PRH1: variants seen among roughly 807,000 people sequenced by gnomAD.
PRH1 encodes the protein proline rich protein HaeIII subfamily 1.
In PRH1, 7 loss-of-function variants were observed where a neutral mutation model predicts 7.9. That is an observed-to-expected ratio of 0.89 (90% CI 0.50 to 1.67). The LOEUF (loss-of-function observed/expected upper bound fraction) is 1.67, where lower values mean the gene tolerates loss of function less well. PRH1 is among the 40% of genes most tolerant of loss of function. PRH1 has a pLI of 0.00. For missense variants in PRH1, 109 were observed against 223.6 expected, an observed-to-expected ratio of 0.49 and a Z score of 3.27; for synonymous variants, 45 against 80.8, an observed-to-expected ratio of 0.56 and a Z score of 2.38.
chr12:10,914,960 C>T (rs1174106427), intron 2 of PRH1, among the ~76,000 whole-genome samples: 1 of 152,152 alleles, frequency 6.6e-6, no homozygotes, highest in Non-Finnish European at 1.5e-5. Flanking sequence ...AACCCCATCT[C>T]TACTATTAAT....
intron 2 of PRH1, among the ~76,000 whole-genome samples, chr12:10,890,887 C>T (rs2135792644): frequency 6.6e-6 from 1 of 151,886 alleles, no homozygotes; most frequent in Non-Finnish European, 1.5e-5. Flanking sequence ...GTGCACCTCC[C>T]AGTAGGGTCT....
chr12:11,071,668 CAAG>C (rs1357007465), intron 1 of PRH1, among the ~76,000 whole-genome samples: 1 of 152,160 alleles, frequency 6.6e-6, no homozygotes, highest in Non-Finnish European at 1.5e-5. Context: ...AAATAAATGC[CAAG>C]AAGGCCAGCA....
At chr12:11,003,134 T>C (rs559183730) in intron 1 of PRH1, among the ~76,000 whole-genome samples, 2 of 152,010 alleles carry the variant, frequency 1.3e-5, no homozygotes, top group Non-Finnish European at 2.9e-5. Context: ...CTTTCTTTTT[T>C]AAATTAATTT....
chr12:11,007,849 G>A (rs1192880367), intron 1 of PRH1, among the ~76,000 whole-genome samples: 1 of 152,006 alleles, frequency 6.6e-6, no homozygotes, highest in Non-Finnish European at 1.5e-5. Context: ...TGCAGAACAT[G>A]GCCCATCTCA....
chr12:10,948,107 T>C (rs192500245), intron 2 of PRH1, among the ~76,000 whole-genome samples: 2 of 152,258 alleles, frequency 1.3e-5, no homozygotes, highest in African/African-American at 4.8e-5. Flanking sequence ...TTATATATCT[T>C]GGAGATGATC....
In PRH1 at chr12:10,952,410, T is replaced by C. The variant is rs550689698; in HGVS notation, c.-59+21245A>G. On this transcript the variant is annotated intron_variant, in intron 2 of 3. Coordinates refer to the PRH1 transcript ENST00000539853. ...TCATCACGTCACAGAAAGCTTTTTC[T>C]GCAGAAAATGTAAAACTACTCCAAA... is the stretch of plus-strand genomic sequence containing the variant. Among the ~76,000 whole-genome samples, 22 of 152,322 alleles carry C rather than the reference T, an allele frequency of 1.4e-4. No individual in the cohort carries two copies. In the East Asian group the frequency reaches 3.9e-3, roughly 27 times the overall value.
chr12:11,104,290 T>C (rs571137805), intron 1 of PRH1, among the ~76,000 whole-genome samples: 1 of 152,218 alleles, frequency 6.6e-6, no homozygotes, highest in South Asian at 2.1e-4. Flanking sequence ...CTATCCCAAA[T>C]TGTTATGATG....
intron 2 of PRH1, chr12:10,929,391 T>A: frequency 6.2e-7 from 1 of 1,606,964 alleles, no homozygotes; most frequent in Non-Finnish European, 8.5e-7. Context: ...TACGGGCGAA[T>A]GCTATAGAGG....
intron 1 of PRH1, among the ~76,000 whole-genome samples, chr12:11,067,504 T>A (rs1207624353): frequency 6.6e-6 from 1 of 152,186 alleles, no homozygotes; most frequent in South Asian, 2.1e-4. Flanking sequence ...AAATTCATAT[T>A]AGCATTAAGA....
chr12:11,060,039 C>T (rs900571308), intron 1 of PRH1, among the ~76,000 whole-genome samples: 1 of 152,002 alleles, frequency 6.6e-6, no homozygotes, highest in African/African-American at 2.4e-5. Flanking sequence ...ACAGTTCTTA[C>T]ATTGTACTGA....
chr12:10,891,785 C>T (rs1369001303), intron 2 of PRH1: 1 of 152,202 alleles, frequency 6.6e-6, no homozygotes, highest in African/African-American at 2.4e-5. Context: ...ACTGATGTTA[C>T]ATGTGCAAGT....
chr12:10,986,313 C>G, intron 1 of PRH1: 1 of 1,613,970 alleles, frequency 6.2e-7, no homozygotes, highest in Non-Finnish European at 8.5e-7. Flanking sequence ...TATGAAGCTC[C>G]ATAGGGTAGT....
intron 2 of PRH1, among the ~76,000 whole-genome samples, chr12:10,898,306 A>C (rs542526336): frequency 9.8e-5 from 15 of 152,324 alleles, no homozygotes; most frequent in African/African-American, 3.4e-4. Flanking sequence ...AGTCAAAGAA[A>C]TGAATGAGTT....
chr12:10,989,879 A>G (rs1197193641), intron 1 of PRH1, among the ~76,000 whole-genome samples: 1 of 152,212 alleles, frequency 6.6e-6, no homozygotes, highest in African/African-American at 2.4e-5. Flanking sequence ...CTTTTTACAT[A>G]AAGTTTTTCC....
intron 1 of PRH1, among the ~76,000 whole-genome samples, chr12:11,104,322 CAT>C (rs1945346476): frequency 6.8e-6 from 1 of 146,032 alleles, no homozygotes; most frequent in Non-Finnish European, 1.5e-5. Flanking sequence ...GATGATCACT[CAT>C]ATGTTTCACT....
intron 1 of PRH1, among the ~76,000 whole-genome samples, chr12:11,026,182 T>A (rs1442542434): frequency 1.3e-5 from 2 of 152,228 alleles, no homozygotes; most frequent in Admixed American, 1.3e-4. Context: ...ACTATAGGCA[T>A]GCACCAACAC....
intron 1 of PRH1, among the ~76,000 whole-genome samples, chr12:10,999,456 T>G (rs974163952): frequency 1.3e-5 from 2 of 152,182 alleles, no homozygotes; most frequent in Non-Finnish European, 2.9e-5. Flanking sequence ...TCCCCCTAGG[T>G]ATATAATGAG....
chr12:11,065,814 C>T (rs76682501), intron 1 of PRH1, among the ~76,000 whole-genome samples: 14 of 151,896 alleles, frequency 9.2e-5, no homozygotes, highest in African/African-American at 3.4e-4. Context: ...TTATGGTCTA[C>T]GCATTCTCCT....
intron 1 of PRH1, chr12:11,022,268 G>A (rs112657873): frequency 2.3e-4 from 369 of 1,614,158 alleles, no homozygotes; most frequent in Non-Finnish European, 3.0e-4. Context: ...AATATGCTGA[G>A]GCTAGCAGCA....
Sources: gnomAD v4.1 joint callset for allele counts (sites outside exome capture counted in the v4.1 genomes callset) on GRCh38, gnomAD v4.1.1 for gene constraint, MANE v1.5 for transcripts, NCBI Gene and HGNC (gene_info 2026-07-23, HGNC 2026-07-21) for gene names.